Variants in DNAJC8 observed in about 807,000 individuals in gnomAD.
DNAJC8 encodes dnaJ homolog subfamily C member 8.
DNAJC8 carries 24 observed loss-of-function variants against 43.2 expected under a neutral mutation model. That is an observed-to-expected ratio of 0.56 (90% confidence interval 0.40 to 0.78). DNAJC8 has a LOEUF of 0.78. Among genes scored for constraint, DNAJC8 ranks in the 30% least tolerant of loss-of-function variants. DNAJC8 has a pLI of 0.00. For synonymous variants in DNAJC8, 83 were observed against 98.0 expected (o/e 0.85, Z 0.90); for missense variants, 207 against 299.4 (o/e 0.69, Z 2.28).
intron 3 of DNAJC8, among the ~76,000 whole-genome samples, chr1:28,213,306 T>G (rs970234016): frequency 7.9e-5 from 12 of 152,136 alleles, no homozygotes; most frequent in Non-Finnish European, 1.6e-4. Flanking sequence ...AAATGCTTAT[T>G]AATATGGGAA....
chr1:28,218,220 T>C (rs1279369501), intron 2 of DNAJC8, among the ~76,000 whole-genome samples: 4 of 151,256 alleles, frequency 2.6e-5, no homozygotes, highest in South Asian at 4.2e-4. Context: ...CTCAGCCTCC[T>C]GAGTAGCTGG....
chr1:28,215,862 A>AC (rs1646849972), intron 2 of DNAJC8, among the ~76,000 whole-genome samples: 1 of 128,812 alleles, frequency 7.8e-6, no homozygotes, highest in South Asian at 2.3e-4. Context: ...TTAAACAAAT[A>AC]ATTTTTTTTT....
intron 8 of DNAJC8, 91 bp downstream of exon 8, chr1:28,203,656 C>T (rs41284311): frequency 0.019 from 24,852 of 1,276,162 alleles, 331 homozygotes; most frequent in South Asian, 0.024. Flanking sequence ...ATCCCACTCC[C>T]CTCTGACTGC....
chr1:28,225,658 T>C (rs1485762109), intron 2 of DNAJC8, among the ~76,000 whole-genome samples: 1 of 150,936 alleles, frequency 6.6e-6, no homozygotes, highest in Non-Finnish European at 1.5e-5. Flanking sequence ...ACTGTGAATG[T>C]ACTTAATGCC....
At chr1:28,216,656 A>G (rs1404482954) in intron 2 of DNAJC8, among the ~76,000 whole-genome samples, 2 of 152,008 alleles carry the variant, frequency 1.3e-5, no homozygotes, top group Non-Finnish European at 2.9e-5. Flanking sequence ...AAAAAAACCT[A>G]AAATAGCTAT....
At chr1:28,202,244 C>T (rs182316120) in intron 8 of DNAJC8, among the ~76,000 whole-genome samples, 5 of 152,248 alleles carry the variant, frequency 3.3e-5, no homozygotes, top group Non-Finnish European at 7.4e-5. Context: ...TTGGGGACCT[C>T]GAGGCTAGAC....
At chr1:28,204,892 G>A (rs1226014410) in intron 7 of DNAJC8, among the ~76,000 whole-genome samples, 3 of 152,080 alleles carry the variant, frequency 2.0e-5, no homozygotes, top group Non-Finnish European at 2.9e-5. Flanking sequence ...GCATGGTGGT[G>A]TACACCTGTA....
chr1:28,220,625 G>C (rs1462620462), intron 2 of DNAJC8, among the ~76,000 whole-genome samples: 1 of 152,162 alleles, frequency 6.6e-6, no homozygotes, highest in African/African-American at 2.4e-5. Context: ...TGTGAGGGCA[G>C]AGACCTAATC....
At chr1:28,208,715 G>C in intron 5 of DNAJC8, 1 of 206,032 alleles carries the variant, frequency 4.9e-6, no homozygotes, top group Non-Finnish European at 9.6e-6. Context: ...CTTTGAAACA[G>C]ACTACTTATT....
At chr1:28,203,929 C>T in intron 7 of DNAJC8, 107 bp from the exon 8 acceptor site, 1 of 1,083,536 alleles carries the variant, frequency 9.2e-7, no homozygotes. Flanking sequence ...AAATCAATTC[C>T]CTAGAAGTCT....
rs555942764 is a variant in DNAJC8 at position 28,202,470 on chromosome 1, G to A, written c.640-1100C>T. ...AATTTTTTGTATTTTTAGTAGAGAC[G>A]GGGTTTCACCGTGTTAGCCAGGATG... On this transcript the variant is annotated intron_variant, in intron 8 of 8. Coordinates refer to ENST00000263697, the MANE Select transcript of DNAJC8 (RefSeq NM_014280.3). Among the ~76,000 whole-genome samples the A allele has an allele frequency of 8.7e-5, 13 of 149,386 alleles. 1 individual carries two copies. The East Asian group carries it at 2.0e-3, about 23-fold the overall frequency.
intron 2 of DNAJC8, among the ~76,000 whole-genome samples, chr1:28,227,149 C>T (rs1010281401): frequency 3.6e-5 from 5 of 137,400 alleles, no homozygotes; most frequent in African/African-American, 1.4e-4. Context: ...TGGCTCACAC[C>T]TATAATCCTA....
At chr1:28,212,173 ATATATATATAT>A (rs1557707914) in intron 3 of DNAJC8, among the ~76,000 whole-genome samples, 18,933 of 79,320 alleles carry the variant, frequency 0.24, 3,393 homozygotes, top group Non-Finnish European at 0.3. Context: ...AAATAAATAT[ATATATATATAT>A]ATATATATAT....
chr1:28,218,540 T>C (rs1646876633), intron 2 of DNAJC8, among the ~76,000 whole-genome samples: 1 of 151,996 alleles, frequency 6.6e-6, no homozygotes, highest in Non-Finnish European at 1.5e-5. Context: ...TCTCAGCCTC[T>C]TGAGCAACTA....
Position 28,205,116 on chromosome 1 carries a change from A to G in DNAJC8, c.563+142T>C, listed in dbSNP as rs906845942. 6.4e-6 allele frequency: 4 copies of G among 623,098 alleles called. No individual in the cohort carries two copies. The African/African-American group carries it at 7.6e-5, about 12-fold the overall frequency. The allele number at this position is 623,098 out of a possible 1,614,324, so 38.6% of individuals were successfully genotyped here. A position where few individuals can be genotyped will look rare whatever the true frequency, so the allele number is the denominator to read the frequency against. On this transcript the variant is annotated intron_variant, in intron 7 of 8. Coordinates refer to ENST00000263697, the MANE Select transcript of DNAJC8 (RefSeq NM_014280.3). The stretch of plus-strand genomic sequence containing the variant: ...AAACTACTTACCCTGGTGATTCAAA[A>G]GCTTGACTGTTTTTAGGTAACTATT...
At chr1:28,209,440 T>TAA (rs1172208405) in intron 5 of DNAJC8, among the ~76,000 whole-genome samples, 5 of 152,220 alleles carry the variant, frequency 3.3e-5, no homozygotes, top group African/African-American at 1.2e-4. Flanking sequence ...TGGAGACTTA[T>TAA]GTATGCCCTC....
intron 2 of DNAJC8, among the ~76,000 whole-genome samples, chr1:28,217,366 A>G (rs1646863770): frequency 6.6e-6 from 1 of 151,968 alleles, no homozygotes; most frequent in Non-Finnish European, 1.5e-5. Context: ...CACGCTTGCA[A>G]TCCCAGTACT....
intron 6 of DNAJC8, among the ~76,000 whole-genome samples, chr1:28,206,571 G>A (rs1054067982): frequency 6.6e-6 from 1 of 152,116 alleles, no homozygotes; most frequent in Non-Finnish European, 1.5e-5. Flanking sequence ...GAACGTAAGT[G>A]ACCCAGCCCC....
chr1:28,211,212 T>A (rs1319572196), intron 3 of DNAJC8, among the ~76,000 whole-genome samples: 1 of 152,090 alleles, frequency 6.6e-6, no homozygotes, highest in African/African-American at 2.4e-5. Flanking sequence ...CCTAGCACTA[T>A]GAAGATGTTG....
Sources: allele counts gnomAD v4.1 joint callset (sites outside exome capture counted in the v4.1 genomes callset), GRCh38; gene constraint gnomAD v4.1.1; transcripts MANE v1.5; gene names NCBI Gene and HGNC (gene_info 2026-07-23, HGNC 2026-07-21).